Variants in ADAMTS6 observed in about 807,000 individuals in gnomAD.
ADAMTS6 encodes the protein ADAM metallopeptidase with thrombospondin type 1 motif 6.
A neutral mutation model predicts 144.3 loss-of-function variants in ADAMTS6; 23 were observed. The ratio of observed to expected loss-of-function variants is 0.16; its 90% CI spans 0.11 to 0.23. The LOEUF (loss-of-function observed/expected upper bound fraction) is 0.23, where lower values mean the gene tolerates loss of function less well. ADAMTS6 is among the 10% of genes least tolerant of loss of function. The probability of loss-of-function intolerance (pLI) is 1.00; values close to 1 mark genes in which losing one functional copy is unlikely to be tolerated. For synonymous variants in ADAMTS6, 444 were observed against 457.5 expected (o/e 0.97, Z 0.38); for missense variants, 999 against 1,379.6 (o/e 0.72, Z 4.37).
intron 22 of ADAMTS6, among the ~76,000 whole-genome samples, chr5:65,182,880 T>C (rs1337682271): frequency 6.6e-6 from 1 of 152,130 alleles, no homozygotes; most frequent in African/African-American, 2.4e-5. Context: ...ATCAACCAGA[T>C]TTTCAAGACA....
At position 65,427,299 on chromosome 5, in the gene ADAMTS6, A is replaced by T. The variant is rs978043484; in HGVS notation, c.1073+24176T>A. On this transcript the variant is annotated intron_variant, in intron 7 of 24. Transcript: ENST00000381055. The stretch of plus-strand genomic sequence containing the variant: ...TGAATCAATCACTTAATTTTATTTT[A>T]TTATTATTATTATTTTTTTTTAGAG... 6.6e-5 allele frequency among the ~76,000 whole-genome samples: 10 copies of T among 151,702 alleles called. No homozygotes were observed. In the East Asian group the frequency reaches 1.2e-3, roughly 18 times the overall value.
chr5:65,411,590 G>A (rs1057104615), intron 7 of ADAMTS6, among the ~76,000 whole-genome samples: 3 of 152,058 alleles, frequency 2.0e-5, no homozygotes, highest in African/African-American at 7.2e-5. Flanking sequence ...GTCTCAAACC[G>A]GAGTATGAGT....
chr5:65,374,154 A>G (rs1004961382), intron 7 of ADAMTS6, among the ~76,000 whole-genome samples: 1 of 152,212 alleles, frequency 6.6e-6, no homozygotes, highest in Non-Finnish European at 1.5e-5. Context: ...CCAATATCAT[A>G]CTGAATGGGC....
chr5:65,381,830 T>C (rs1336556430), intron 7 of ADAMTS6, among the ~76,000 whole-genome samples: 2 of 152,144 alleles, frequency 1.3e-5, no homozygotes, highest in African/African-American at 4.8e-5. Context: ...GGGTAACACA[T>C]GATATCTTTA....
At chr5:65,407,745 T>C (rs1370025822) in intron 7 of ADAMTS6, among the ~76,000 whole-genome samples, 3 of 152,120 alleles carry the variant, frequency 2.0e-5, no homozygotes, top group Non-Finnish European at 4.4e-5. Flanking sequence ...TCATCATTAC[T>C]GGGTATATAC....
chr5:65,177,739 T>C (rs2112115664), intron 22 of ADAMTS6, among the ~76,000 whole-genome samples: 1 of 152,214 alleles, frequency 6.6e-6, no homozygotes, highest in East Asian at 1.9e-4. Flanking sequence ...AAATGCCTGG[T>C]TGGAGTCGAT....
chr5:65,461,721 A>C (rs1352032207), intron 3 of ADAMTS6, among the ~76,000 whole-genome samples: 3 of 152,146 alleles, frequency 2.0e-5, no homozygotes, highest in Non-Finnish European at 4.4e-5. Flanking sequence ...ACAAAGGGAG[A>C]CCTACATGGC....
intron 7 of ADAMTS6, among the ~76,000 whole-genome samples, chr5:65,427,775 G>A (rs1486520358): frequency 6.7e-6 from 1 of 148,244 alleles, no homozygotes; most frequent in Non-Finnish European, 1.5e-5. Context: ...TCCAGCCTGG[G>A]CTACAGAGCA....
chr5:65,423,721 A>T (rs1756267469), intron 7 of ADAMTS6, among the ~76,000 whole-genome samples: 1 of 152,182 alleles, frequency 6.6e-6, no homozygotes, highest in African/African-American at 2.4e-5. Flanking sequence ...ACATGAATGT[A>T]CTTGAAGTTA....
intron 19 of ADAMTS6, 134 bp from the exon 20 acceptor site, chr5:65,215,066 A>C: frequency 8.2e-7 from 1 of 1,224,926 alleles, no homozygotes; most frequent in Non-Finnish European, 1.1e-6. Flanking sequence ...ATGCATTTAT[A>C]TCAAATTTTC....
chr5:65,416,779 C>T (rs13354303), intron 7 of ADAMTS6, among the ~76,000 whole-genome samples: 53,723 of 146,032 alleles, frequency 0.37, 10,294 homozygotes, highest in South Asian at 0.44. Context: ...ACAACAACAA[C>T]AAAATAAAAT....
intron 7 of ADAMTS6, among the ~76,000 whole-genome samples, chr5:65,424,507 G>C (rs1426853572): frequency 6.6e-6 from 1 of 152,136 alleles, no homozygotes; most frequent in Middle Eastern, 3.2e-3. Context: ...CAAGACTCTT[G>C]GAAGTAAATG....
intron 14 of ADAMTS6, 67 bp from the exon 15 acceptor site, chr5:65,242,273 C>CTTGCTTT: frequency 8.7e-7 from 1 of 1,145,630 alleles, no homozygotes; most frequent in Non-Finnish European, 1.2e-6. Context: ...GACAATGTCC[C>CTTGCTTT]TAAAATGAAC....
chr5:65,190,561 G>A (rs1458373679), intron 21 of ADAMTS6, among the ~76,000 whole-genome samples: 3 of 152,092 alleles, frequency 2.0e-5, no homozygotes, highest in African/African-American at 7.2e-5. Flanking sequence ...AATGTAAGAG[G>A]GATGGAGGCC....
chr5:65,409,574 G>A (rs1325417358), intron 7 of ADAMTS6, among the ~76,000 whole-genome samples: 2 of 152,176 alleles, frequency 1.3e-5, no homozygotes, highest in Non-Finnish European at 2.9e-5. Context: ...GAGGTACAAG[G>A]AGGAGTTGGT....
chr5:65,378,659 T>C (rs996773437), intron 7 of ADAMTS6, among the ~76,000 whole-genome samples: 1 of 152,142 alleles, frequency 6.6e-6, no homozygotes, highest in African/African-American at 2.4e-5. Context: ...CAAACATACT[T>C]CTTCTAAATA....
intron 15 of ADAMTS6, among the ~76,000 whole-genome samples, chr5:65,232,757 T>C (rs1758358212): frequency 6.6e-6 from 1 of 151,528 alleles, no homozygotes; most frequent in Non-Finnish European, 1.5e-5. Flanking sequence ...ACCAGTGAAT[T>C]ATACCAAACA....
chr5:65,433,660 C>T (rs959771954), intron 7 of ADAMTS6, among the ~76,000 whole-genome samples: 2 of 152,100 alleles, frequency 1.3e-5, no homozygotes, highest in African/African-American at 4.8e-5. Flanking sequence ...CTCAATATAA[C>T]TAGCTATCAG....
At chr5:65,293,193 C>T (rs1742491636) in intron 10 of ADAMTS6, among the ~76,000 whole-genome samples, 2 of 151,836 alleles carry the variant, frequency 1.3e-5, no homozygotes, top group South Asian at 4.1e-4. Flanking sequence ...AGTTTAATTC[C>T]CCAATTTTCT....
Sources: allele counts gnomAD v4.1 joint callset (sites outside exome capture counted in the v4.1 genomes callset), GRCh38; gene constraint gnomAD v4.1.1; transcripts MANE v1.5; gene names NCBI Gene and HGNC (gene_info 2026-07-23, HGNC 2026-07-21).